Variants in SGCD observed in about 807,000 individuals in gnomAD.
SGCD encodes the protein delta-sarcoglycan.
A neutral mutation model predicts 36.6 loss-of-function variants in SGCD; 18 were observed. That is an observed-to-expected ratio of 0.49 (90% CI 0.34 to 0.73). The LOEUF (loss-of-function observed/expected upper bound fraction) is 0.73, where lower values mean the gene tolerates loss of function less well. Among genes scored for constraint, SGCD ranks in the 30% least tolerant of loss-of-function variants. The pLI, the probability that SGCD is intolerant of heterozygous loss-of-function variation, is 0.01. For missense variants in SGCD, 387 were observed against 346.7 expected (o/e 1.12, Z -0.92); for synonymous variants, 133 against 130.6 (o/e 1.02, Z -0.12).
chr5:156,170,623 G>A (rs985145060), intron 3 of SGCD, among the ~76,000 whole-genome samples: 2 of 152,214 alleles, frequency 1.3e-5, no homozygotes, highest in East Asian at 1.9e-4. Context: ...ACAATCAAAG[G>A]GTGCCGGGAA....
chr5:156,192,151 C>A (rs1056695076), intron 3 of SGCD, among the ~76,000 whole-genome samples: 2 of 152,124 alleles, frequency 1.3e-5, no homozygotes, highest in Non-Finnish European at 2.9e-5. Flanking sequence ...GGGGCTGTTT[C>A]TTCCAAAAGG....
At chr5:156,248,254 G>A (rs529989637) in intron 3 of SGCD, among the ~76,000 whole-genome samples, 121 of 152,306 alleles carry the variant, frequency 7.9e-4, no homozygotes, top group African/African-American at 2.8e-3. Context: ...GGGCTGGGTG[G>A]CTCATGCCTG....
rs765093184 is a variant in SGCD, at chr5:155,910,439, C to T, written c.-282+40015C>T. ...AGCGAGAAGTTAGATGACAGACAAG[C>T]GGAATTAGGGCATAAAGCCAGTCCT... On this transcript the variant is annotated intron_variant, in intron 1 of 9. Coordinates refer to the SGCD transcript ENST00000517913. Among the ~76,000 whole-genome samples the T allele has an allele frequency of 6.5e-4, 98 of 151,872 alleles. 2 individuals carry two copies. Among genetic ancestry groups the T allele is most frequent in the African/African-American group, 1.0e-3 (43 of 41,348 alleles).
At chr5:156,406,266 C>T (rs896594929) in intron 3 of SGCD, among the ~76,000 whole-genome samples, 43 of 152,082 alleles carry the variant, frequency 2.8e-4, no homozygotes, top group African/African-American at 9.4e-4. Context: ...GGGCCATTAA[C>T]ACAGCTACCC....
chr5:156,717,976 A>G (rs1195966019), intron 7 of SGCD, among the ~76,000 whole-genome samples: 1 of 152,110 alleles, frequency 6.6e-6, no homozygotes, highest in Non-Finnish European at 1.5e-5. Flanking sequence ...CCATCCTGAC[A>G]GTACTTTCTA....
chr5:156,551,929 C>G (rs1345549138), intron 4 of SGCD, among the ~76,000 whole-genome samples: 3 of 152,214 alleles, frequency 2.0e-5, no homozygotes, highest in Non-Finnish European at 2.9e-5. Context: ...AAAGCCTTTT[C>G]TAACCGACCT....
At chr5:156,118,965 A>G (rs1238855606) in intron 2 of SGCD, among the ~76,000 whole-genome samples, 2 of 152,144 alleles carry the variant, frequency 1.3e-5, no homozygotes, top group South Asian at 2.1e-4. Flanking sequence ...TTTATGTTTT[A>G]TAGCCCCTAC....
At chr5:155,880,338 A>G (rs1161193105) in intron 1 of SGCD, among the ~76,000 whole-genome samples, 1 of 151,236 alleles carries the variant, frequency 6.6e-6, no homozygotes, top group Non-Finnish European at 1.5e-5. Context: ...AAAAATGTTT[A>G]AAAATATTAT....
chr5:156,571,500 A>G (rs1759723357), intron 4 of SGCD, among the ~76,000 whole-genome samples: 1 of 151,950 alleles, frequency 6.6e-6, no homozygotes. Context: ...CTGTCCAGTA[A>G]CCTCTATAGC....
chr5:156,585,621 G>T (rs961901924), intron 4 of SGCD, among the ~76,000 whole-genome samples: 1 of 152,208 alleles, frequency 6.6e-6, no homozygotes, highest in Non-Finnish European at 1.5e-5. Flanking sequence ...AGAGCCCTGG[G>T]TGAAGAATTT....
chr5:156,184,635 A>G (rs984602176), intron 3 of SGCD, among the ~76,000 whole-genome samples: 2 of 152,138 alleles, frequency 1.3e-5, no homozygotes, highest in African/African-American at 4.8e-5. Flanking sequence ...ATTCAATACA[A>G]TTGATTTAAT....
At chr5:156,070,892 C>G (rs150918223) in intron 1 of SGCD, among the ~76,000 whole-genome samples, 2,461 of 152,272 alleles carry the variant, frequency 0.016, 68 homozygotes, top group African/African-American at 0.055. Flanking sequence ...TTATCCATTT[C>G]TTCTAGATTT....
chr5:156,021,339 G>T (rs980850198), intron 1 of SGCD, among the ~76,000 whole-genome samples: 5 of 152,132 alleles, frequency 3.3e-5, no homozygotes, highest in Non-Finnish European at 7.4e-5. Flanking sequence ...GATAAGAGTA[G>T]AAACACCTTA....
At chr5:156,720,684 G>A (rs1755452744) in intron 7 of SGCD, among the ~76,000 whole-genome samples, 1 of 152,156 alleles carries the variant, frequency 6.6e-6, no homozygotes, top group Admixed American at 6.5e-5. Flanking sequence ...GCCCAGCAGA[G>A]GGCCTGTACT....
At chr5:156,577,620 G>C (rs936851465) in intron 4 of SGCD, among the ~76,000 whole-genome samples, 3 of 152,180 alleles carry the variant, frequency 2.0e-5, no homozygotes, top group African/African-American at 7.2e-5. Context: ...TCTCCTTGAA[G>C]AGGTCCTTCA....
chr5:155,947,941 AAG>A (rs1426000707), intron 1 of SGCD, among the ~76,000 whole-genome samples: 1 of 152,074 alleles, frequency 6.6e-6, no homozygotes, highest in East Asian at 1.9e-4. Context: ...GTGAAAAAAA[AAG>A]GACTTGCTTC....
chr5:155,854,154 A>G, the SGCD span, among the ~76,000 whole-genome samples: 1 of 152,178 alleles, frequency 6.6e-6, no homozygotes. Context: ...GGATTCGTTA[A>G]TCAAGGCACA....
At chr5:156,322,180 G>A (rs1341178914), upstream of SGCD, among the ~76,000 whole-genome samples, 3 of 152,176 alleles carry the variant, frequency 2.0e-5, no homozygotes, top group African/African-American at 7.2e-5. Flanking sequence ...TTGGATAAAT[G>A]TACGAATGGC....
the SGCD span, among the ~76,000 whole-genome samples, chr5:155,846,633 T>G: frequency 6.6e-6 from 1 of 152,332 alleles, no homozygotes; most frequent in African/African-American, 2.4e-5. Context: ...TCATTGGTTC[T>G]CAGAGGGTGT....
Sources: gnomAD v4.1 joint callset for allele counts (sites outside exome capture counted in the v4.1 genomes callset) on GRCh38, gnomAD v4.1.1 for gene constraint, MANE v1.5 for transcripts, NCBI Gene and HGNC (gene_info 2026-07-23, HGNC 2026-07-21) for gene names.